Variants in YKT6 observed in about 807,000 individuals in gnomAD.
YKT6 encodes synaptobrevin homolog YKT6.
In YKT6, 12 loss-of-function variants were observed where a neutral mutation model predicts 29.3. The observed-to-expected ratio is 0.41, with a 90% CI of 0.26 to 0.66. The LOEUF (loss-of-function observed/expected upper bound fraction) is 0.66, where lower values mean the gene tolerates loss of function less well. Ranked by LOEUF, YKT6 falls within the 30% of genes least tolerant of loss-of-function variation. The pLI, the probability that YKT6 is intolerant of heterozygous loss-of-function variation, is 0.32. For synonymous variants in YKT6, 86 were observed against 94.3 expected, an observed-to-expected ratio of 0.91 and a Z score of 0.51; for missense variants, 188 against 243.8, an observed-to-expected ratio of 0.77 and a Z score of 1.52.
At chr7:44,210,930 A>G in intron 5 of YKT6, 93 bp from the exon 6 acceptor site, 1 of 1,329,972 alleles carries the variant, frequency 7.5e-7, no homozygotes, top group Non-Finnish European at 1.1e-6. Flanking sequence ...AGAGGAACCC[A>G]GGTAAGGCAC....
At chr7:44,201,868 G>A (rs2096336104) in intron 1 of YKT6, among the ~76,000 whole-genome samples, 1 of 152,238 alleles carries the variant, frequency 6.6e-6, no homozygotes, top group African/African-American at 2.4e-5. Context: ...CAACCAGCTA[G>A]AACTGAAAGC....
chr7:44,210,869 CTA>C, intron 5 of YKT6, 152 bp from the exon 6 acceptor site: 1 of 713,702 alleles, frequency 1.4e-6, no homozygotes, highest in South Asian at 1.5e-5. Context: ...TGGACAGTAA[CTA>C]TTCTTGGACC....
intron 1 of YKT6, among the ~76,000 whole-genome samples, chr7:44,203,613 A>C (rs1027323012): frequency 9.2e-5 from 14 of 152,026 alleles, no homozygotes; most frequent in African/African-American, 3.1e-4. Flanking sequence ...CTGAGGGGTT[A>C]TTTTGATCAC....
intron 1 of YKT6, among the ~76,000 whole-genome samples, chr7:44,202,500 G>A (rs1173782856): frequency 6.6e-6 from 1 of 152,140 alleles, no homozygotes; most frequent in Non-Finnish European, 1.5e-5. Context: ...CTTTTCTGGC[G>A]ACCTTAGATA....
intron 1 of YKT6, 81 bp from the exon 2 acceptor site, chr7:44,204,487 T>C: frequency 7.3e-7 from 1 of 1,376,140 alleles, no homozygotes; most frequent in South Asian, 1.2e-5. Context: ...CTACTTAATG[T>C]ATAAGCCCAG....
intron 1 of YKT6, among the ~76,000 whole-genome samples, chr7:44,204,249 G>A (rs1261463955): frequency 2.0e-5 from 3 of 152,176 alleles, no homozygotes; most frequent in Non-Finnish European, 2.9e-5. Context: ...AGCAGGACCT[G>A]CCTCTTGTTT....
chr7:44,204,779 CTTCCTT>C (rs1402898922), intron 2 of YKT6, 129 bp downstream of exon 2: 1 of 772,616 alleles, frequency 1.3e-6, no homozygotes, highest in Non-Finnish European at 2.1e-6. Context: ...TTTCCCACCT[CTTCCTT>C]TTCCTATTTA....
chr7:44,208,281 C>G, intron 5 of YKT6, 83 bp downstream of exon 5: 2 of 1,457,366 alleles, frequency 1.4e-6, no homozygotes, highest in Middle Eastern at 3.5e-4. Context: ...GATCCATCCT[C>G]GTTTTAATAT....
chr7:44,207,043 T>C (rs1449444137), intron 3 of YKT6, among the ~76,000 whole-genome samples: 1 of 152,230 alleles, frequency 6.6e-6, no homozygotes, highest in Non-Finnish European at 1.5e-5. Context: ...AATTCTCTTT[T>C]TTAAAAAATT....
At chr7:44,205,803 A>G (rs148293185) in intron 2 of YKT6, among the ~76,000 whole-genome samples, 10 of 152,310 alleles carry the variant, frequency 6.6e-5, no homozygotes, top group Non-Finnish European at 1.3e-4. Flanking sequence ...AGTGCTCTGG[A>G]GGCCTTAGCT....
rs2096338941 is a variant in YKT6, at chr7:44,204,560, T to C, written c.105-8T>C. 1.9e-6 allele frequency: 3 copies of C among 1,613,988 alleles called. No homozygotes were observed. Among genetic ancestry groups the C allele is most frequent in the Non-Finnish European group, 2.5e-6 (3 of 1,179,986 alleles). ...AAGTAGGCAATAAATACATTTTGTG[T>C]TTCTTAGCGTTCAGGAATTCATGAC... On this transcript the variant is annotated splice_polypyrimidine_tract_variant and splice_region_variant and intron_variant, in intron 1 of 6. Coordinates refer to ENST00000223369, the MANE Select transcript of YKT6 (RefSeq NM_006555.4).
chr7:44,206,566 C>G, intron 3 of YKT6, 81 bp downstream of exon 3: 1 of 1,229,986 alleles, frequency 8.1e-7, no homozygotes, highest in Non-Finnish European at 1.2e-6. Context: ...GATGGCAGTC[C>G]CTGAGACATA....
At chr7:44,208,011 A>G (rs564031699) in intron 4 of YKT6, 122 bp from the exon 5 acceptor site, 14 of 1,014,020 alleles carry the variant, frequency 1.4e-5, no homozygotes, top group South Asian at 1.1e-4. Flanking sequence ...GGCGTGAGCC[A>G]CTGTGCCCGG....
rs1583651739 is a variant in YKT6, at chr7:44,212,578, C to T, written c.*296C>T. Reference sequence around the variant, plus strand: ...TGCCAAAGGGCTCTTTTTCAGCTAACCCTGGGAAGGCTCTGTGGGAGGGAG... The same window carrying T: ...TGCCAAAGGGCTCTTTTTCAGCTAATCCTGGGAAGGCTCTGTGGGAGGGAG... On this transcript the variant is annotated 3_prime_UTR_variant, in exon 7 of 7. Transcript: ENST00000223369. The T allele has an allele frequency of 2.5e-6, 1 of 405,740 alleles. No homozygotes were observed. Among genetic ancestry groups the T allele is most frequent in the Non-Finnish European group, 4.4e-6 (1 of 228,018 alleles). The allele number at this position is 405,740 out of a possible 1,614,324, so 25.1% of individuals were successfully genotyped here.
chr7:44,206,315 T>G, intron 2 of YKT6, 70 bp from the exon 3 acceptor site: 4 of 1,493,304 alleles, frequency 2.7e-6, no homozygotes, highest in Non-Finnish European at 2.8e-6. Flanking sequence ...GATGCTTTGA[T>G]TTGGGGGGAT....
intron 2 of YKT6, 65 bp downstream of exon 2, chr7:44,204,715 A>G (rs1243140962): frequency 1.3e-6 from 2 of 1,526,716 alleles, no homozygotes; most frequent in Admixed American, 1.7e-5. Context: ...CTCACATAGC[A>G]CCCAGCTTTC....
chr7:44,206,906 T>C (rs1396442979), intron 3 of YKT6, among the ~76,000 whole-genome samples: 5 of 152,180 alleles, frequency 3.3e-5, no homozygotes, highest in African/African-American at 1.2e-4. Context: ...ATTCTTTAAA[T>C]TTTTTTGCGT....
At chr7:44,211,867 G>T (rs769245488) in intron 6 of YKT6, among the ~76,000 whole-genome samples, 3 of 152,252 alleles carry the variant, frequency 2.0e-5, no homozygotes, top group Non-Finnish European at 4.4e-5. Context: ...CACCACCGTG[G>T]TGGTCAGATA....
chr7:44,204,702 C>T (rs764595733), intron 2 of YKT6, 52 bp downstream of exon 2: 3 of 1,571,114 alleles, frequency 1.9e-6, no homozygotes, highest in Non-Finnish European at 2.6e-6. Flanking sequence ...TGCCATGCCT[C>T]ACCTCACATA....
Sources: allele counts gnomAD v4.1 joint callset (sites outside exome capture counted in the v4.1 genomes callset), GRCh38; gene constraint gnomAD v4.1.1; transcripts MANE v1.5; gene names NCBI Gene and HGNC (gene_info 2026-07-23, HGNC 2026-07-21).